The following CCDC91 variants were observed in gnomAD, a reference collection of about 807,000 sequenced individuals.
CCDC91 encodes the protein coiled-coil domain containing 91, also known as coiled-coil domain-containing protein 91.
Under a neutral mutation model 63.2 loss-of-function variants are expected in CCDC91, and 48 were observed. The observed-to-expected ratio is 0.76, with a 90% CI of 0.60 to 0.97. The LOEUF is 0.97. CCDC91 is among the 50% of genes least tolerant of loss of function. CCDC91 has a pLI of 0.00. For synonymous variants in CCDC91, 167 were observed against 165.8 expected (o/e 1.01, Z -0.06); for missense variants, 500 against 494.6 (o/e 1.01, Z -0.10).
chr12:28,349,854 G>A (rs143731698), intron 6 of CCDC91, among the ~76,000 whole-genome samples: 1 of 151,988 alleles, frequency 6.6e-6, no homozygotes, highest in Non-Finnish European at 1.5e-5. Flanking sequence ...AACTGTATAG[G>A]GTCAAGCTCT....
chr12:28,240,070 T>C (rs1450200214), intron 1 of CCDC91, among the ~76,000 whole-genome samples: 2 of 152,166 alleles, frequency 1.3e-5, no homozygotes, highest in African/African-American at 4.8e-5. Context: ...ATCAGATTGG[T>C]ATTTCTGTCA....
intron 1 of CCDC91, among the ~76,000 whole-genome samples, chr12:28,237,580 G>A (rs1424778823): frequency 6.6e-6 from 1 of 152,156 alleles, no homozygotes; most frequent in African/African-American, 2.4e-5. Flanking sequence ...AGGAATACCA[G>A]CAGCTATCAG....
chr12:28,267,964 T>G (rs1947458781), intron 3 of CCDC91, among the ~76,000 whole-genome samples: 2 of 112,318 alleles, frequency 1.8e-5, no homozygotes, highest in Non-Finnish European at 3.4e-5. Context: ...TATAATTATA[T>G]ATAATTAATA....
intron 11 of CCDC91, among the ~76,000 whole-genome samples, chr12:28,479,334 A>G (rs146242025): frequency 2.6e-5 from 4 of 152,280 alleles, no homozygotes; most frequent in South Asian, 2.1e-4. Flanking sequence ...GAAGCTGGTA[A>G]CCATCATTCT....
At chr12:28,482,046 G>C (rs548047057) in intron 11 of CCDC91, among the ~76,000 whole-genome samples, 1 of 151,948 alleles carries the variant, frequency 6.6e-6, no homozygotes, top group East Asian at 1.9e-4. Flanking sequence ...AAGGATTTTT[G>C]TAACTCACCT....
chr12:28,379,752 C>T (rs1286415193), intron 7 of CCDC91, among the ~76,000 whole-genome samples: 4 of 152,156 alleles, frequency 2.6e-5, no homozygotes, highest in African/African-American at 4.8e-5. Context: ...GTGGTGATTC[C>T]TCAAGGATCT....
intron 3 of CCDC91, among the ~76,000 whole-genome samples, chr12:28,280,815 TAA>T (rs11369802): frequency 3.6e-5 from 5 of 139,568 alleles, no homozygotes; most frequent in Non-Finnish European, 3.1e-5. Context: ...CGCGTTTCTT[TAA>T]AAAAAAAAAA....
intron 11 of CCDC91, among the ~76,000 whole-genome samples, chr12:28,479,844 A>G (rs969184252): frequency 6.6e-6 from 1 of 152,000 alleles, no homozygotes; most frequent in Non-Finnish European, 1.5e-5. Context: ...ATGTTGTGCT[A>G]ATGAGCTAGC....
intron 12 of CCDC91, among the ~76,000 whole-genome samples, chr12:28,507,693 A>G (rs1361766042): frequency 6.6e-6 from 1 of 151,912 alleles, no homozygotes; most frequent in Admixed American, 6.6e-5. Context: ...ACTGTGCTGT[A>G]TCCAGATTTA....
chr12:28,235,611 G>T (rs1265591920), intron 1 of CCDC91, among the ~76,000 whole-genome samples: 1 of 148,580 alleles, frequency 6.7e-6, no homozygotes, highest in African/African-American at 2.5e-5. Flanking sequence ...AAAAAAAGAC[G>T]AGGAAAATGA....
At chr12:28,407,367 T>C (rs1210821473) in intron 8 of CCDC91, among the ~76,000 whole-genome samples, 1 of 152,234 alleles carries the variant, frequency 6.6e-6, no homozygotes, top group Admixed American at 6.5e-5. Context: ...GATTCTCTAT[T>C]CTCTTTCATG....
At chr12:28,334,995 G>A (rs112010482) in intron 6 of CCDC91, among the ~76,000 whole-genome samples, 2 of 136,394 alleles carry the variant, frequency 1.5e-5, no homozygotes, top group African/African-American at 2.7e-5. Flanking sequence ...ATGTGTGTGT[G>A]TATAAATATA....
At chr12:28,318,859 G>A (rs542409029) in intron 6 of CCDC91, among the ~76,000 whole-genome samples, 37 of 152,004 alleles carry the variant, frequency 2.4e-4, no homozygotes, top group African/African-American at 8.9e-4. Flanking sequence ...TTTTTCTTCC[G>A]CCTTGCTACC....
Position 28,286,052 on chromosome 12 carries a change from C to T in CCDC91, c.110-19597C>T, listed in dbSNP as rs370503068. On this transcript the variant is annotated intron_variant, in intron 3 of 12. Transcript: ENST00000536442. The stretch of plus-strand genomic sequence containing the variant: ...GGGATGTGAATCTAGTTCTCAAATC[C>T]AAGTTCTTTTTCTACAGTATGCTTT... 1.6e-4 allele frequency among the ~76,000 whole-genome samples: 25 copies of T among 151,902 alleles called. No individual in the cohort carries two copies. In the South Asian group the frequency reaches 5.2e-3, roughly 32 times the overall value.
chr12:28,377,532 G>C (rs1273409164), intron 7 of CCDC91, among the ~76,000 whole-genome samples: 2 of 151,848 alleles, frequency 1.3e-5, no homozygotes, highest in African/African-American at 4.8e-5. Context: ...TGGCCCATCT[G>C]TGGGTGCCTA....
At chr12:28,373,305 G>A (rs554422488) in intron 7 of CCDC91, among the ~76,000 whole-genome samples, 1 of 152,164 alleles carries the variant, frequency 6.6e-6, no homozygotes, top group Admixed American at 6.5e-5. Flanking sequence ...GTTTCTAGGT[G>A]TGTGTCTTTT....
intron 12 of CCDC91, among the ~76,000 whole-genome samples, chr12:28,541,671 C>A (rs1175491835): frequency 6.6e-6 from 1 of 151,546 alleles, no homozygotes; most frequent in Non-Finnish European, 1.5e-5. Flanking sequence ...GACTATCCAA[C>A]AGATTGTAAT....
rs931697978 is a variant in CCDC91 at position 28,305,960 on chromosome 12, C to CAA, written c.267+160_267+161dup. The stretch of plus-strand genomic sequence containing the variant: ...AATTTTGAGGCTAATACTTAGAATT[C>CAA]AAAAAAACTATATAATATGTTTGTG... On this transcript the variant is annotated intron_variant, in intron 4 of 12. Transcript: ENST00000536442. Among the ~76,000 whole-genome samples the CAA allele has an allele frequency of 2.5e-4, 38 of 151,808 alleles. 1 individual carries two copies. Among genetic ancestry groups the CAA allele is most frequent in the Non-Finnish European group, 1.5e-5 (1 of 67,942 alleles).
intron 6 of CCDC91, among the ~76,000 whole-genome samples, chr12:28,308,315 C>T (rs1012368634): frequency 6.6e-6 from 1 of 151,984 alleles, no homozygotes; most frequent in African/African-American, 2.4e-5. Context: ...ATGGTCAGCG[C>T]TATTAACATA....
Sources: allele counts gnomAD v4.1 joint callset (sites outside exome capture counted in the v4.1 genomes callset), GRCh38; gene constraint gnomAD v4.1.1; transcripts MANE v1.5; gene names NCBI Gene and HGNC (gene_info 2026-07-23, HGNC 2026-07-21).